CENPF: variants seen among roughly 807,000 people sequenced by gnomAD.
CENPF encodes the protein AH antigen.
In CENPF, 214 loss-of-function variants were observed where a neutral mutation model predicts 307.3. That is an observed-to-expected ratio of 0.70 (90% CI 0.62 to 0.78). The LOEUF is 0.78. Among genes scored for constraint, CENPF ranks in the 30% least tolerant of loss-of-function variants. The pLI is 0.00. For missense variants in CENPF, 3,401 were observed against 3,483.9 expected (o/e 0.98, Z 0.60); for synonymous variants, 1,259 against 1,270.6 (o/e 0.99, Z 0.19).
At chr1:214,608,668 G>T in intron 1 of CENPF, 1 of 1,599,858 alleles carries the variant, frequency 6.3e-7, no homozygotes, top group African/African-American at 1.3e-5. Flanking sequence ...GCCCGAGGAG[G>T]CCCGCAGGGT....
chr1:214,613,438 C>T (rs1193779405), intron 1 of CENPF: 1 of 197,708 alleles, frequency 5.1e-6, no homozygotes, highest in South Asian at 1.3e-4. Flanking sequence ...AATGAAAAAA[C>T]TGAGCAATAG....
chr1:214,630,486 C>A (rs778550967), intron 8 of CENPF, 48 bp from the exon 9 acceptor site: 1 of 1,609,654 alleles, frequency 6.2e-7, no homozygotes, highest in Non-Finnish European at 8.5e-7. Context: ...CCTGGAGTCT[C>A]CCTAGCGAAC....
chr1:214,626,156 G>C (rs555440077), intron 7 of CENPF, among the ~76,000 whole-genome samples: 135 of 152,108 alleles, frequency 8.9e-4, no homozygotes, highest in African/African-American at 3.3e-3. Context: ...CAGATCCTTA[G>C]TTTTCCTTTA....
At chr1:214,649,836 G>A (rs1219888754) in intron 14 of CENPF, among the ~76,000 whole-genome samples, 2 of 152,144 alleles carry the variant, frequency 1.3e-5, no homozygotes, top group Non-Finnish European at 2.9e-5. Flanking sequence ...TTTGGCCTCA[G>A]CCCCATACAT....
At chr1:214,609,889 T>A (rs887239766) in intron 1 of CENPF, among the ~76,000 whole-genome samples, 3 of 152,222 alleles carry the variant, frequency 2.0e-5, no homozygotes, top group African/African-American at 7.2e-5. Flanking sequence ...TTTTTATGGC[T>A]GCATAGTATT....
Position 214,641,723 on chromosome 1 carries a change from A to C in CENPF, c.3385A>C (p.Lys1129Gln). The C allele has an allele frequency of 1.3e-6, 2 of 1,578,840 alleles. No individual in the cohort carries two copies. The highest frequency in any genetic ancestry group is 2.0e-5 in the Admixed American group (1 of 51,000). The change falls in exon 12 of 20, where the codon AAG becomes CAG. Residue 1129 changes from lysine (K) to glutamine (Q), a missense_variant. Coordinates refer to ENST00000366955, the MANE Select transcript of CENPF (RefSeq NM_016343.4). ...TTCTAAGAGCGAGGCTGGTGGTTTAAAGCAAGAAATCATGACTTTAAAGGA... is the reference window on the plus strand; with the variant it reads ...TTCTAAGAGCGAGGCTGGTGGTTTACAGCAAGAAATCATGACTTTAAAGGA... ...NNSKSEAGGL[K>Q]QEIMTLKEEQ...
Position 214,645,884 on chromosome 1 carries a change from T to G in CENPF, c.6314T>G (p.Leu2105Trp), listed in dbSNP as rs1658281846. Residue 2105 changes from leucine (L) to tryptophan (W), a missense_variant, in exon 13 of 20, where the codon TTG becomes TGG. Leu to Trp is a moderately conservative substitution (Grantham distance 61). Coordinates refer to ENST00000366955, the MANE Select transcript of CENPF (RefSeq NM_016343.4). ...CTGGTGGAGAAAGGTGAGTTCGCAT[T>G]GAGGCTGAGCTCAACACAGGAGGAA... is the stretch of plus-strand genomic sequence containing the variant. ...AALVEKGEFA[L>W]RLSSTQEEVH... 1 of 1,614,074 alleles carries G rather than the reference T, an allele frequency of 6.2e-7. No homozygotes were observed. The highest frequency in any genetic ancestry group is 8.5e-7 in the Non-Finnish European group (1 of 1,180,018).
Position 214,642,883 on chromosome 1 carries a change from T to C in CENPF, c.4545T>C (p.Ala1515=), listed in dbSNP as rs1389345578. The C allele has an allele frequency of 6.2e-7, 1 of 1,613,960 alleles. No individual in the cohort carries two copies. Among genetic ancestry groups the C allele is most frequent in the East Asian group, 2.2e-5 (1 of 44,870 alleles). The change falls in exon 12 of 20, where the codon GCT becomes GCC. Residue 1515 remains alanine, a synonymous_variant. Coordinates refer to ENST00000366955, the MANE Select transcript of CENPF (RefSeq NM_016343.4). Reference sequence around the variant, plus strand: ...CTCTTTTGAGTAATTTAGAAGGGGCTGTTTCAGCAAACCAGTGCAGTGTAG... The same window carrying C: ...CTCTTTTGAGTAATTTAGAAGGGGCCGTTTCAGCAAACCAGTGCAGTGTAG... ...DMSLLSNLEG[A]VSANQCSVDE... is the part of the protein sequence containing the mutation.
chr1:214,606,785 C>T (rs778908417), intron 1 of CENPF, among the ~76,000 whole-genome samples: 5 of 152,160 alleles, frequency 3.3e-5, no homozygotes, highest in South Asian at 4.1e-4. Context: ...GTGTGCAGCC[C>T]GTGACCCAGC....
At chr1:214,629,221 C>G in intron 8 of CENPF, 50 bp downstream of exon 8, 1 of 1,489,508 alleles carries the variant, frequency 6.7e-7, no homozygotes, top group Non-Finnish European at 8.9e-7. Context: ...TTTTTATGGG[C>G]TTTTCATAGT....
At chr1:214,606,677 C>T (rs1373213847) in intron 1 of CENPF, among the ~76,000 whole-genome samples, 1 of 152,120 alleles carries the variant, frequency 6.6e-6, no homozygotes, top group Admixed American at 6.5e-5. Flanking sequence ...GAGGTGGCAC[C>T]CCCTCCCACC....
intron 8 of CENPF, among the ~76,000 whole-genome samples, chr1:214,630,174 G>A (rs1277895743): frequency 6.6e-6 from 1 of 152,124 alleles, no homozygotes; most frequent in African/African-American, 2.4e-5. Flanking sequence ...CACCGTTTTT[G>A]AGTATGTTTG....
At chr1:214,621,061 T>A (rs1283956708) in intron 6 of CENPF, 115 bp downstream of exon 6, 1 of 879,338 alleles carries the variant, frequency 1.1e-6, no homozygotes, top group Non-Finnish European at 1.8e-6. Context: ...CACATCGGTG[T>A]TCAACATCCT....
chr1:214,637,569 A>G (rs917744153), intron 10 of CENPF, among the ~76,000 whole-genome samples: 3 of 151,706 alleles, frequency 2.0e-5, no homozygotes, highest in African/African-American at 7.3e-5. Context: ...AGGATCTTGT[A>G]GATAGGATTT....
intron 1 of CENPF, among the ~76,000 whole-genome samples, chr1:214,607,255 C>T (rs1657061250): frequency 6.6e-6 from 1 of 152,220 alleles, no homozygotes. Context: ...CAGTGGAGGC[C>T]CTGGGCATGC....
chr1:214,663,294 T>C (rs1287619603), intron 19 of CENPF, among the ~76,000 whole-genome samples: 1 of 152,176 alleles, frequency 6.6e-6, no homozygotes, highest in Non-Finnish European at 1.5e-5. Context: ...ATTCACTGGA[T>C]GTGTACCATG....
At chr1:214,607,118 C>A (rs1240856479) in intron 1 of CENPF, among the ~76,000 whole-genome samples, 5 of 152,220 alleles carry the variant, frequency 3.3e-5, no homozygotes, top group Non-Finnish European at 7.3e-5. Flanking sequence ...CCTTAGCCTC[C>A]CTGGCCTGCT....
At chr1:214,613,671 C>T in intron 1 of CENPF, 43 bp from the exon 2 acceptor site, 2 of 1,351,530 alleles carry the variant, frequency 1.5e-6, no homozygotes, top group Non-Finnish European at 2.0e-6. Context: ...GACTTTGTTT[C>T]CTTTTACTGT....
rs555208864 is a variant in CENPF at position 214,645,351 on chromosome 1, A to G, written c.5781A>G (p.Val1927=). Reference sequence around the variant, plus strand: ...TCTACCTGGAGGCTGACTTAGAGGTAGTTCAAACAGAGAAGCTATGTTTAG... The same window carrying G: ...TCTACCTGGAGGCTGACTTAGAGGTGGTTCAAACAGAGAAGCTATGTTTAG... ...EALYLEADLE[V]VQTEKLCLEK... The change falls in exon 13 of 20, where the codon GTA becomes GTG. Residue 1927 remains valine, a synonymous_variant. Transcript: ENST00000366955. The G allele has an allele frequency of 1.1e-5, 18 of 1,614,190 alleles. No individual in the cohort carries two copies. Among genetic ancestry groups the G allele is most frequent in the East Asian group, 1.1e-4 (5 of 44,880 alleles).
Sources: allele counts gnomAD v4.1 joint callset (sites outside exome capture counted in the v4.1 genomes callset), GRCh38; gene constraint gnomAD v4.1.1; transcripts MANE v1.5; gene names NCBI Gene and HGNC (gene_info 2026-07-23, HGNC 2026-07-21).